Variants in NR3C1 observed in about 807,000 individuals in gnomAD.
NR3C1 encodes the protein nuclear receptor subfamily 3 group C member 1.
In NR3C1, 14 loss-of-function variants were observed where a neutral mutation model predicts 74.0. The ratio of observed to expected loss-of-function variants is 0.19; its 90% CI spans 0.12 to 0.30. The LOEUF (loss-of-function observed/expected upper bound fraction) is 0.30, where lower values mean the gene tolerates loss of function less well. Ranked by LOEUF, NR3C1 falls within the 10% of genes least tolerant of loss-of-function variation. The pLI is 1.00. For missense variants in NR3C1, 695 were observed against 909.8 expected, an observed-to-expected ratio of 0.76 and a Z score of 3.04; for synonymous variants, 308 against 332.5, an observed-to-expected ratio of 0.93 and a Z score of 0.80.
intron 3 of NR3C1, among the ~76,000 whole-genome samples, chr5:143,312,687 G>A (rs921051968): frequency 3.3e-5 from 5 of 152,148 alleles, no homozygotes; most frequent in Admixed American, 6.6e-5. Flanking sequence ...TACTGAATGC[G>A]TATCACTTTC....
chr5:143,384,085 G>A (rs2151895738), intron 2 of NR3C1, among the ~76,000 whole-genome samples: 1 of 152,310 alleles, frequency 6.6e-6, no homozygotes, highest in East Asian at 1.9e-4. Context: ...GGAAGTTGAA[G>A]GAGAAGCAAG....
At chr5:143,391,027 T>G (rs932718256) in intron 2 of NR3C1, among the ~76,000 whole-genome samples, 2 of 152,180 alleles carry the variant, frequency 1.3e-5, no homozygotes, top group Non-Finnish European at 2.9e-5. Context: ...AACATTTATT[T>G]TGGGTTTTCT....
chr5:143,344,791 T>C (rs766548109), intron 2 of NR3C1, among the ~76,000 whole-genome samples: 3 of 152,006 alleles, frequency 2.0e-5, no homozygotes, highest in African/African-American at 7.2e-5. Context: ...GAGAAACTCT[T>C]GAACCCGGGA....
chr5:143,383,782 T>C (rs543607631), intron 2 of NR3C1, among the ~76,000 whole-genome samples: 5 of 152,218 alleles, frequency 3.3e-5, no homozygotes, highest in Non-Finnish European at 5.9e-5. Flanking sequence ...GTAATAATGA[T>C]TTATGTATTT....
chr5:143,427,479 G>A (rs1377403497), intron 1 of NR3C1, among the ~76,000 whole-genome samples: 2 of 151,988 alleles, frequency 1.3e-5, no homozygotes, highest in Non-Finnish European at 2.9e-5. Context: ...AAGATAGTTG[G>A]CAAAACAAAC....
chr5:143,424,833 T>C (rs1046725508), intron 1 of NR3C1, among the ~76,000 whole-genome samples: 2 of 152,174 alleles, frequency 1.3e-5, no homozygotes, highest in Admixed American at 1.3e-4. Context: ...ACCTACTACA[T>C]ACCAAGCACA....
At chr5:143,332,491 C>T (rs929458577) in intron 2 of NR3C1, 11 of 573,314 alleles carry the variant, frequency 1.9e-5, no homozygotes, top group African/African-American at 1.9e-4. Context: ...GTACAGCAAA[C>T]CACCATGGCC....
At chr5:143,337,282 G>A (rs1176934946) in intron 2 of NR3C1, among the ~76,000 whole-genome samples, 1 of 151,956 alleles carries the variant, frequency 6.6e-6, no homozygotes, top group Non-Finnish European at 1.5e-5. Context: ...AGTAATCAGG[G>A]AAATGCAAAT....
intron 6 of NR3C1, among the ~76,000 whole-genome samples, chr5:143,297,916 A>G (rs1817658224): frequency 6.6e-6 from 1 of 152,160 alleles, no homozygotes; most frequent in Non-Finnish European, 1.5e-5. Flanking sequence ...ATCATGCAGA[A>G]TATGTACTGG....
Position 143,415,880 on chromosome 5 carries a change from TTCCTTTAGACATTC to T in NR3C1, c.-13-15042_-13-15029del, listed in dbSNP as rs374524384. Among the ~76,000 whole-genome samples, 368 of 152,324 alleles carry T rather than the reference TTCCTTTAGACATTC, an allele frequency of 2.4e-3. 3 individuals are homozygous for T. The highest frequency in any genetic ancestry group is 8.3e-3 in the African/African-American group (345 of 41,580). The stretch of plus-strand genomic sequence containing the variant: ...CTACAGCTCATTTTCTACTTTCATC[TTCCTTTAGACATTC>T]TAGAAAAAATCAATTAGAGCAGTAG... On this transcript the variant is annotated intron_variant, in intron 1 of 8. Transcript: ENST00000343796.
chr5:143,280,170 G>C lies in NR3C1; in HGVS notation c.*1719C>G, dbSNP rs1305076239. 6.6e-6 allele frequency: 1 copy of C among 152,474 alleles called. No individual in the cohort carries two copies. The highest frequency in any genetic ancestry group is 6.6e-5 in the Admixed American group (1 of 15,258). The allele number at this position is 152,474 out of a possible 1,614,324, so 9.4% of individuals were successfully genotyped here. ...TATAAATCATATAGGTTATCCATCA[G>C]CATTTCTTTGACCCCTACAAAAAAT... On this transcript the variant is annotated 3_prime_UTR_variant, in exon 9 of 9. Transcript: ENST00000394464.
At chr5:143,412,688 T>A (rs1445197242) in intron 1 of NR3C1, among the ~76,000 whole-genome samples, 1 of 152,222 alleles carries the variant, frequency 6.6e-6, no homozygotes, top group African/African-American at 2.4e-5. Flanking sequence ...TACAGGTTTT[T>A]TTGTTTGGGT....
intron 7 of NR3C1, among the ~76,000 whole-genome samples, chr5:143,287,310 A>C (rs1310084299): frequency 1.3e-5 from 2 of 152,110 alleles, no homozygotes; most frequent in African/African-American, 2.4e-5. Flanking sequence ...CATGAAAAAA[A>C]GATGATCAGG....
At chr5:143,317,442 G>C (rs1341269222) in intron 2 of NR3C1, among the ~76,000 whole-genome samples, 1 of 152,158 alleles carries the variant, frequency 6.6e-6, no homozygotes, top group Non-Finnish European at 1.5e-5. Flanking sequence ...CAAACATTCT[G>C]AGAATGTTAA....
chr5:143,386,974 A>G (rs557964619), intron 2 of NR3C1, among the ~76,000 whole-genome samples: 6 of 152,364 alleles, frequency 3.9e-5, no homozygotes, highest in Admixed American at 3.9e-4. Context: ...TTTTTTGATC[A>G]GGGGAATAAT....
rs1405290916 is a variant in NR3C1 at position 143,403,312 on chromosome 5, A to T, written c.-115T>A. On this transcript the variant is annotated 5_prime_UTR_variant, in exon 1 of 9. Coordinates refer to ENST00000394464, the MANE Select transcript of NR3C1 (RefSeq NM_000176.3). ...CGCAGAAGGAGCAGGAGGGAAATAT[A>T]TTTTTTTTTTCTAAAAAAAGGAAGT... 29 of 950,816 alleles carry T rather than the reference A, an allele frequency of 3.1e-5. No individual in the cohort carries two copies. The highest frequency in any genetic ancestry group is 4.8e-5 in the South Asian group (1 of 20,636). The allele number at this position is 950,816 out of a possible 1,614,324, so 58.9% of individuals were successfully genotyped here.
In NR3C1 at chr5:143,312,730, C is replaced by A. The variant is rs528436144; in HGVS notation, c.1351+1272G>T. 1.1e-4 allele frequency among the ~76,000 whole-genome samples: 16 copies of A among 152,262 alleles called. No homozygotes were observed. The South Asian group carries it at 3.3e-3, about 32-fold the overall frequency. ...CATAAAAGTTGAAAAATCGTTAAGT[C>A]AGGGACTGTCCGTATTATTATTATC... is the stretch of plus-strand genomic sequence containing the variant. On this transcript the variant is annotated intron_variant, in intron 3 of 8. Coordinates refer to ENST00000394464, the MANE Select transcript of NR3C1 (RefSeq NM_000176.3).
At chr5:143,360,031 T>C (rs573610818) in intron 2 of NR3C1, among the ~76,000 whole-genome samples, 28 of 152,340 alleles carry the variant, frequency 1.8e-4, no homozygotes, top group African/African-American at 6.0e-4. Context: ...GTACTATTTA[T>C]AGGAAATGCA....
chr5:143,370,638 T>TC (rs1388057375), intron 2 of NR3C1, among the ~76,000 whole-genome samples: 1 of 152,218 alleles, frequency 6.6e-6, no homozygotes, highest in Non-Finnish European at 1.5e-5. Flanking sequence ...TTTAGCAAGG[T>TC]CGGCATTTAG....
Sources: gnomAD v4.1 joint callset for allele counts (sites outside exome capture counted in the v4.1 genomes callset) on GRCh38, gnomAD v4.1.1 for gene constraint, MANE v1.5 for transcripts, NCBI Gene and HGNC (gene_info 2026-07-23, HGNC 2026-07-21) for gene names.